Variants in B4GALNT3 observed in about 807,000 individuals in gnomAD.
B4GALNT3 encodes beta-1,4-N-acetyl-galactosaminyltransferase 3, also known as beta-1,4-N-acetylgalactosaminyltransferase 3.
Under a neutral mutation model 120.2 loss-of-function variants are expected in B4GALNT3, and 86 were observed. The ratio of observed to expected loss-of-function variants is 0.72; its 90% CI spans 0.60 to 0.86. The LOEUF is 0.86. Among genes scored for constraint, B4GALNT3 ranks in the 40% least tolerant of loss-of-function variants. The probability of loss-of-function intolerance (pLI) is 0.00; values close to 1 mark genes in which losing one functional copy is unlikely to be tolerated. For missense variants in B4GALNT3, 1,167 were observed against 1,298.9 expected (o/e 0.90, Z 1.56); for synonymous variants, 518 against 510.4 (o/e 1.01, Z -0.20).
intron 3 of B4GALNT3, chr12:542,972 C>T (rs1946936232): frequency 1.6e-5 from 8 of 497,838 alleles, no homozygotes; most frequent in South Asian, 1.3e-4. Flanking sequence ...TTCCTCTCCT[C>T]AGGATCAGGG....
At chr12:539,534 T>TAAAA (rs561171166) in intron 3 of B4GALNT3, among the ~76,000 whole-genome samples, 1 of 136,706 alleles carries the variant, frequency 7.3e-6, no homozygotes, top group African/African-American at 2.7e-5. Context: ...GCCTTTCCTT[T>TAAAA]AAAAAAAAAA....
intron 13 of B4GALNT3, chr12:552,815 G>A (rs7314691): frequency 0.26 from 132,584 of 512,018 alleles, 18,167 homozygotes; most frequent in African/African-American, 0.32. Context: ...TGCTGTCCCT[G>A]GCGCACCATT....
At chr12:511,659 G>C (rs796568589) in intron 1 of B4GALNT3, among the ~76,000 whole-genome samples, 193 of 4,772 alleles carry the variant, frequency 0.04, no homozygotes, top group Middle Eastern at 0.25. Context: ...CCACCTTCGA[G>C]CTTCCACCTT....
Position 502,008 on chromosome 12 carries a change from C to T in B4GALNT3, c.170-33158C>T, listed in dbSNP as rs376230619. Among the ~76,000 whole-genome samples the T allele has an allele frequency of 1.3e-3, 197 of 152,300 alleles. 2 individuals are homozygous for T. The highest frequency in any genetic ancestry group is 3.9e-3 in the African/African-American group (161 of 41,568). On this transcript the variant is annotated intron_variant, in intron 1 of 19. Transcript: ENST00000266383. ...CCTTCCCCTCGCCCTTTATTGCTGCCTCTGTCACAGACTTCATTCCGTCTC... is the reference window on the plus strand; with the variant it reads ...CCTTCCCCTCGCCCTTTATTGCTGCTTCTGTCACAGACTTCATTCCGTCTC...
intron 1 of B4GALNT3, among the ~76,000 whole-genome samples, chr12:527,066 C>G (rs889773249): frequency 2.6e-5 from 4 of 152,120 alleles, no homozygotes; most frequent in African/African-American, 9.7e-5. Flanking sequence ...TGCGCACCAC[C>G]ACGCCCAGCT....
chr12:509,512 T>C (rs1946526744), intron 1 of B4GALNT3, among the ~76,000 whole-genome samples: 1 of 152,216 alleles, frequency 6.6e-6, no homozygotes, highest in Non-Finnish European at 1.5e-5. Context: ...AGGGTGTCTT[T>C]ACTCTCCCCA....
intron 2 of B4GALNT3, among the ~76,000 whole-genome samples, chr12:535,679 C>T (rs1162391871): frequency 1.3e-5 from 2 of 152,298 alleles, no homozygotes; most frequent in East Asian, 1.9e-4. Flanking sequence ...CCTCCCTGCC[C>T]GTAGCTGGGA....
At chr12:497,050 G>A (rs1478363125) in intron 1 of B4GALNT3, among the ~76,000 whole-genome samples, 1 of 152,112 alleles carries the variant, frequency 6.6e-6, no homozygotes, top group African/African-American at 2.4e-5. Flanking sequence ...TCTCAGGCTG[G>A]TCTCAAACGC....
rs577809434 is a variant in B4GALNT3, at chr12:549,658, C to T, written c.854-111C>T. ...TGTGGCTGCGCACATCCTACACCGTCGCCGCTGGAGTCAGGAGCCCCTTCT... is the reference window on the plus strand; with the variant it reads ...TGTGGCTGCGCACATCCTACACCGTTGCCGCTGGAGTCAGGAGCCCCTTCT... On this transcript the variant is annotated intron_variant, in intron 9 of 19. Coordinates refer to ENST00000266383, the MANE Select transcript of B4GALNT3 (RefSeq NM_173593.4). 296 of 1,367,664 alleles carry T rather than the reference C, an allele frequency of 2.2e-4. 2 individuals carry two copies. In the East Asian group the frequency reaches 6.1e-3, roughly 28 times the overall value. 84.7% of individuals were successfully genotyped at this position (1,367,664 alleles called of 1,614,324 possible).
intron 1 of B4GALNT3, among the ~76,000 whole-genome samples, chr12:493,114 C>G (rs1438933879): frequency 6.6e-6 from 1 of 152,158 alleles, no homozygotes; most frequent in Non-Finnish European, 1.5e-5. Flanking sequence ...AATGTAAAAT[C>G]TGTTCTGCAA....
intron 1 of B4GALNT3, among the ~76,000 whole-genome samples, chr12:512,144 A>G (rs143536331): frequency 0.14 from 5,677 of 40,876 alleles, 477 homozygotes; most frequent in Non-Finnish European, 0.17. Context: ...TCCACCTTCC[A>G]CCTTCCGCCT....
At chr12:496,373 G>A (rs1946387356) in intron 1 of B4GALNT3, among the ~76,000 whole-genome samples, 1 of 152,138 alleles carries the variant, frequency 6.6e-6, no homozygotes, top group Admixed American at 6.5e-5. Context: ...GCCGAGGTGG[G>A]CAGATCACTT....
chr12:486,381 T>C (rs1173326523), intron 1 of B4GALNT3, among the ~76,000 whole-genome samples: 1 of 151,716 alleles, frequency 6.6e-6, no homozygotes, highest in East Asian at 1.9e-4. Flanking sequence ...GGCTAATTTT[T>C]GTCTTTTTAG....
intron 1 of B4GALNT3, among the ~76,000 whole-genome samples, chr12:494,033 G>T (rs1162586411): frequency 6.6e-6 from 1 of 152,174 alleles, no homozygotes; most frequent in East Asian, 1.9e-4. Flanking sequence ...ACTTTGGGAG[G>T]TCGAGGCAGG....
chr12:552,049 T>A lies in B4GALNT3; in HGVS notation c.1108-14T>A. The A allele has an allele frequency of 1.3e-6, 2 of 1,569,096 alleles. No homozygotes were observed. The highest frequency in any genetic ancestry group is 1.8e-6 in the Non-Finnish European group (2 of 1,139,198). ...TCACTCTCTTACTCCTGCTGCTGAT[T>A]TTTCCACTTCCAGGTTCATCTGTCT... On this transcript the variant is annotated splice_polypyrimidine_tract_variant and intron_variant, in intron 11 of 19. Coordinates refer to ENST00000266383, the MANE Select transcript of B4GALNT3 (RefSeq NM_173593.4).
At chr12:535,063 T>G in intron 1 of B4GALNT3, 103 bp from the exon 2 acceptor site, 1 of 898,036 alleles carries the variant, frequency 1.1e-6, no homozygotes, top group Non-Finnish European at 1.7e-6. Context: ...TGAAGAGAGG[T>G]GAGAAGGGAA....
At chr12:468,956 TC>T (rs1425457272) in intron 1 of B4GALNT3, among the ~76,000 whole-genome samples, 1 of 152,208 alleles carries the variant, frequency 6.6e-6, no homozygotes, top group African/African-American at 2.4e-5. Context: ...GAAACCACAT[TC>T]CAGGCCGACC....
At position 553,924 on chromosome 12, in the gene B4GALNT3, G is replaced by A. The variant is rs532315033; in HGVS notation, c.2001G>A (p.Glu667=). Residue 667 remains glutamate (E), a synonymous_variant, in exon 14 of 20, where the codon GAG becomes GAA. Transcript: ENST00000266383. ...CATCTGGCAACCTGCTGCTTCCAGA[G>A]CAGGAAGCTCTGGAGGTCACGCGAG... ...CNTSGNLLLP[E]QEALEVTRVF... The A allele has an allele frequency of 1.2e-6, 2 of 1,614,102 alleles. No individual in the cohort carries two copies. The highest frequency in any genetic ancestry group is 3.3e-5 in the Admixed American group (2 of 60,032).
chr12:546,765 C>A, intron 7 of B4GALNT3, 52 bp downstream of exon 7: 1 of 1,501,104 alleles, frequency 6.7e-7, no homozygotes, highest in Non-Finnish European at 9.1e-7. Context: ...CTCGGTGGAG[C>A]CCGGCTGCGC....
Sources: gnomAD v4.1 joint callset for allele counts (sites outside exome capture counted in the v4.1 genomes callset) on GRCh38, gnomAD v4.1.1 for gene constraint, MANE v1.5 for transcripts, NCBI Gene and HGNC (gene_info 2026-07-23, HGNC 2026-07-21) for gene names.